The following ASCC3 variants were observed in gnomAD, a reference collection of about 807,000 sequenced individuals.
ASCC3 encodes the protein ASC-1 complex subunit P200.
Under a neutral mutation model 256.3 loss-of-function variants are expected in ASCC3, and 158 were observed. That is an observed-to-expected ratio of 0.62 (90% confidence interval 0.54 to 0.70). The LOEUF (loss-of-function observed/expected upper bound fraction) is 0.70. Among genes scored for constraint, ASCC3 ranks in the 30% least tolerant of loss-of-function variants. ASCC3 has a pLI of 0.00. For synonymous variants in ASCC3, 948 were observed against 883.4 expected (o/e 1.07, Z -1.30); for missense variants, 2,259 against 2,626.0 (o/e 0.86, Z 3.05).
At position 100,848,311 on chromosome 6, in the gene ASCC3, T is replaced by G. The variant is rs1249127488; in HGVS notation, c.638A>C (p.Lys213Thr). The G allele has an allele frequency of 6.2e-7, 1 of 1,614,130 alleles. No individual in the cohort carries two copies. The highest frequency in any genetic ancestry group is 8.5e-7 in the Non-Finnish European group (1 of 1,180,010). Residue 213 changes from lysine (K) to threonine (T), a missense_variant, in exon 4 of 42, where the codon AAG becomes ACG. Physicochemically the swap from Lys to Thr is moderately conservative, Grantham distance 78 (BLOSUM62 -1). This residue lies in a region of ASCC3 where 420 missense variants were observed against 419.3 expected (regional missense o/e 1.00). Coordinates refer to ENST00000369162, the MANE Select transcript of ASCC3 (RefSeq NM_006828.4). ...HLQEACTPELKPVEKTNGSFL... is the reference protein window; with the variant it reads ...HLQEACTPELTPVEKTNGSFL... Reference sequence around the variant, plus strand: ...GGAGCCATTTGTTTTTTCCACAGGCTTGAGTTCTGGGGTGCAAGCCTCCTG... The same window carrying G: ...GGAGCCATTTGTTTTTTCCACAGGCGTGAGTTCTGGGGTGCAAGCCTCCTG...
intron 13 of ASCC3, among the ~76,000 whole-genome samples, chr6:100,701,033 C>T (rs9373574): frequency 0.34 from 52,305 of 151,870 alleles, 10,663 homozygotes; most frequent in Middle Eastern, 0.51. Context: ...TTGGCTGTGT[C>T]CCCACCCTAA....
rs554468873 is a variant in ASCC3 at position 100,878,136 on chromosome 6, A to G, written c.-42+2925T>C. Among the ~76,000 whole-genome samples, 6 of 152,342 alleles carry G rather than the reference A, an allele frequency of 3.9e-5. No individual in the cohort carries two copies. In the South Asian group the frequency reaches 8.3e-4, roughly 21 times the overall value. The stretch of plus-strand genomic sequence containing the variant: ...CTAACTCATTCTTAAGCAAGAAGCA[A>G]TTGCTCCTGAATAGTTCTCAATCAA... On this transcript the variant is annotated intron_variant, in intron 1 of 41. Coordinates refer to ENST00000369162, the MANE Select transcript of ASCC3 (RefSeq NM_006828.4).
At chr6:100,542,725 CT>C (rs1362942872) in intron 36 of ASCC3, among the ~76,000 whole-genome samples, 1 of 151,624 alleles carries the variant, frequency 6.6e-6, no homozygotes, top group Non-Finnish European at 1.5e-5. Flanking sequence ...AACTGTCAAT[CT>C]AGAATGCTAA....
intron 14 of ASCC3, among the ~76,000 whole-genome samples, chr6:100,677,682 T>C (rs1311892831): frequency 6.6e-6 from 1 of 151,742 alleles, no homozygotes; most frequent in Non-Finnish European, 1.5e-5. Flanking sequence ...ATCAGACAAA[T>C]ACTCTATGAA....
intron 3 of ASCC3, 24 bp from the exon 4 acceptor site, chr6:100,848,731 T>C: frequency 1.2e-6 from 2 of 1,601,766 alleles, no homozygotes; most frequent in Non-Finnish European, 1.7e-6. Flanking sequence ...AAAGAAACAG[T>C]ATTAGCTCAA....
intron 4 of ASCC3, among the ~76,000 whole-genome samples, chr6:100,818,540 G>A (rs1212043230): frequency 1.4e-5 from 2 of 140,350 alleles, no homozygotes; most frequent in East Asian, 4.1e-4. Context: ...CCACTCTCTA[G>A]CCTGGATGAC....
chr6:100,689,517 T>C (rs1218711487), intron 13 of ASCC3, among the ~76,000 whole-genome samples: 2 of 152,216 alleles, frequency 1.3e-5, no homozygotes, highest in Non-Finnish European at 2.9e-5. Context: ...ATTTTGCTAA[T>C]TTTGAGGTCT....
Position 100,590,063 on chromosome 6 carries a change from GA to G in ASCC3, c.5304-5del, listed in dbSNP as rs1326745327. 6.3e-7 allele frequency: 1 copy of G among 1,591,828 alleles called. No homozygotes were observed. Among genetic ancestry groups the G allele is most frequent in the Non-Finnish European group, 8.6e-7 (1 of 1,159,948 alleles). On this transcript the variant is annotated splice_polypyrimidine_tract_variant and splice_region_variant and intron_variant, in intron 34 of 41. Transcript: ENST00000369162. ...CACATCACCCAAATTGTAATAGCTAGAAAACAAGCAAGGTTATTATTATTTG... is the reference window on the plus strand; with the variant it reads ...CACATCACCCAAATTGTAATAGCTAGAAACAAGCAAGGTTATTATTATTTG...
At chr6:100,803,476 G>C (rs1770022966) in intron 5 of ASCC3, among the ~76,000 whole-genome samples, 1 of 152,106 alleles carries the variant, frequency 6.6e-6, no homozygotes, top group Non-Finnish European at 1.5e-5. Context: ...CAAGTTGCCT[G>C]AGGCCTCCAG....
intron 14 of ASCC3, 57 bp from the exon 15 acceptor site, chr6:100,662,593 G>C: frequency 1.3e-6 from 2 of 1,539,732 alleles, no homozygotes; most frequent in South Asian, 2.3e-5. Flanking sequence ...ATTGTTTTTA[G>C]CATTTCTGTT....
intron 13 of ASCC3, among the ~76,000 whole-genome samples, chr6:100,706,329 A>G (rs150431715): frequency 6.6e-6 from 1 of 151,420 alleles, no homozygotes; most frequent in Non-Finnish European, 1.5e-5. Flanking sequence ...AACCTCAATT[A>G]TTATGAGTTA....
At chr6:100,534,031 C>T (rs1165180021) in intron 37 of ASCC3, among the ~76,000 whole-genome samples, 1 of 152,110 alleles carries the variant, frequency 6.6e-6, no homozygotes, top group Admixed American at 6.5e-5. Flanking sequence ...GCCTGTAGTC[C>T]TAGAAGTTTG....
chr6:100,565,901 G>A (rs369552095), intron 36 of ASCC3, among the ~76,000 whole-genome samples: 30 of 152,130 alleles, frequency 2.0e-4, no homozygotes, highest in African/African-American at 6.5e-4. Context: ...CAGCATAATA[G>A]TCACAAGACT....
In ASCC3 at chr6:100,767,272, T is replaced by G. The variant is rs150572984; in HGVS notation, c.1469A>C (p.Asn490Thr). Residue 490 changes from asparagine to threonine, a missense_variant, in exon 9 of 42, where the codon AAC (asparagine) becomes ACC (threonine). Coordinates refer to ENST00000369162, the MANE Select transcript of ASCC3 (RefSeq NM_006828.4). ...IQSIVFETAY[N>T]TNENMLICAP... The stretch of plus-strand genomic sequence containing the variant: ...ACAAATCAGCATGTTCTCATTGGTG[T>G]TGTAGGCAGTCTCAAACACTATTGA... 2.8e-4 allele frequency: 457 copies of G among 1,614,048 alleles called. No homozygotes were observed. The African/African-American group carries it at 5.3e-3, about 19-fold the overall frequency.
chr6:100,687,381 G>T (rs1300731006), intron 13 of ASCC3, among the ~76,000 whole-genome samples: 2 of 151,824 alleles, frequency 1.3e-5, no homozygotes, highest in East Asian at 3.9e-4. Context: ...TTTGTTTTTT[G>T]AGACAGTGTC....
At chr6:100,571,983 C>T (rs78744101) in intron 36 of ASCC3, among the ~76,000 whole-genome samples, 5,192 of 152,260 alleles carry the variant, frequency 0.034, 271 homozygotes, top group African/African-American at 0.12. Context: ...ATGGTGGTGA[C>T]ACCACAAAAG....
At chr6:100,579,944 C>G (rs993387538) in intron 36 of ASCC3, among the ~76,000 whole-genome samples, 3 of 152,150 alleles carry the variant, frequency 2.0e-5, no homozygotes, top group African/African-American at 7.2e-5. Context: ...AATAGCGATT[C>G]TTCCTATTCA....
chr6:100,838,785 A>C (rs1771999116), intron 4 of ASCC3, among the ~76,000 whole-genome samples: 1 of 152,052 alleles, frequency 6.6e-6, no homozygotes, highest in African/African-American at 2.4e-5. Flanking sequence ...CTTGATTCTT[A>C]GAAGGATATT....
chr6:100,533,992 C>T (rs1328261923), intron 37 of ASCC3, among the ~76,000 whole-genome samples: 2 of 152,174 alleles, frequency 1.3e-5, no homozygotes, highest in East Asian at 1.9e-4. Flanking sequence ...TGATAAAAAA[C>T]AGTGTCAGGG....
Sources: allele counts gnomAD v4.1 joint callset (sites outside exome capture counted in the v4.1 genomes callset), GRCh38; gene constraint gnomAD v4.1.1; regional missense constraint gnomAD v4.1.1; transcripts MANE v1.5; gene names NCBI Gene and HGNC (gene_info 2026-07-23, HGNC 2026-07-21).